GLI3: variants seen among roughly 807,000 people sequenced by gnomAD.
GLI3 encodes the protein transcription activator GLI3.
In GLI3, 20 loss-of-function variants were observed where a neutral mutation model predicts 100.8. The ratio of observed to expected loss-of-function variants is 0.20; its 90% CI spans 0.14 to 0.29. The LOEUF is 0.29. GLI3 is among the 10% of genes least tolerant of loss of function. The pLI is 1.00. For synonymous variants in GLI3, 938 were observed against 860.5 expected, an observed-to-expected ratio of 1.09 and a Z score of -1.58; for missense variants, 2,040 against 2,128.5, an observed-to-expected ratio of 0.96 and a Z score of 0.82.
chr7:42,157,687 GT>G (rs1787036996), intron 2 of GLI3, among the ~76,000 whole-genome samples: 1 of 152,168 alleles, frequency 6.6e-6, no homozygotes, highest in Non-Finnish European at 1.5e-5. Context: ...ATCATTTAGA[GT>G]ACAGAAAAAG....
At chr7:42,238,929 A>G (rs1008999834), upstream of GLI3, among the ~76,000 whole-genome samples, 1 of 152,208 alleles carries the variant, frequency 6.6e-6, no homozygotes, top group Non-Finnish European at 1.5e-5. Context: ...TGGGTGGATG[A>G]ATGATGAGCT....
At chr7:42,030,692 A>AT (rs1371283711) in intron 7 of GLI3, among the ~76,000 whole-genome samples, 2 of 128,142 alleles carry the variant, frequency 1.6e-5, no homozygotes, top group African/African-American at 3.8e-5. Flanking sequence ...ACTATTGTTG[A>AT]TTTGTTTTTT....
At position 42,013,292 on chromosome 7, in the gene GLI3, C is replaced by A. The variant is rs571287314; in HGVS notation, c.1497+10176G>T. ...TCTGTATTCGTCCAAAACAATCCTG[C>A]CCTGATTGGAAGAAAAGTGGCCACT... On this transcript the variant is annotated intron_variant, in intron 10 of 14. Transcript: ENST00000395925. Among the ~76,000 whole-genome samples, 48 of 152,232 alleles carry A rather than the reference C, an allele frequency of 3.2e-4. No homozygotes were observed. In the South Asian group the frequency reaches 9.3e-3, roughly 30 times the overall value.
chr7:42,198,929 C>T (rs981610943), intron 2 of GLI3, among the ~76,000 whole-genome samples: 1 of 146,096 alleles, frequency 6.8e-6, no homozygotes, highest in Non-Finnish European at 1.5e-5. Context: ...GAAAAAGTTT[C>T]TTTTTTTTTT....
intron 4 of GLI3, among the ~76,000 whole-genome samples, chr7:42,062,594 A>G (rs1287115598): frequency 8.9e-6 from 1 of 112,492 alleles, no homozygotes; most frequent in Non-Finnish European, 1.9e-5. Flanking sequence ...GTGAGTTCAC[A>G]GCTATTTTTA....
chr7:42,047,716 G>C (rs1186960879), intron 5 of GLI3, among the ~76,000 whole-genome samples: 1 of 152,190 alleles, frequency 6.6e-6, no homozygotes, highest in Admixed American at 6.5e-5. Context: ...ACAGGAATTC[G>C]ATCCTTAAGA....
At chr7:42,129,996 G>A (rs972709030) in intron 3 of GLI3, among the ~76,000 whole-genome samples, 6 of 152,098 alleles carry the variant, frequency 3.9e-5, no homozygotes, top group South Asian at 2.1e-4. Flanking sequence ...AGGCTTCAGC[G>A]TGGATTTTGA....
intron 1 of GLI3, among the ~76,000 whole-genome samples, chr7:42,230,278 G>A (rs1194916693): frequency 6.6e-6 from 1 of 152,144 alleles, no homozygotes; most frequent in African/African-American, 2.4e-5. Flanking sequence ...TTTGCCATTT[G>A]GTAGCTCAGG....
At chr7:42,209,765 T>A (rs1404573519) in intron 2 of GLI3, among the ~76,000 whole-genome samples, 2 of 151,578 alleles carry the variant, frequency 1.3e-5, no homozygotes, top group African/African-American at 4.8e-5. Flanking sequence ...TCACATCATG[T>A]TGTATATGAG....
intron 3 of GLI3, among the ~76,000 whole-genome samples, chr7:42,121,724 C>A (rs1477124889): frequency 1.3e-5 from 2 of 152,116 alleles, no homozygotes; most frequent in Non-Finnish European, 2.9e-5. Flanking sequence ...CATGTCCCCA[C>A]CTCCTCCCCC....
chr7:42,189,749 A>T (rs1787788271), intron 2 of GLI3, among the ~76,000 whole-genome samples: 1 of 152,200 alleles, frequency 6.6e-6, no homozygotes, highest in Non-Finnish European at 1.5e-5. Context: ...AGAGTGCTGG[A>T]GTAAATTAGC....
At chr7:42,078,169 C>T (rs758050155) in intron 3 of GLI3, among the ~76,000 whole-genome samples, 14 of 152,188 alleles carry the variant, frequency 9.2e-5, no homozygotes, top group Admixed American at 2.0e-4. Flanking sequence ...TCGGCAACAC[C>T]GCCATCCCAA....
chr7:41,995,149 G>A (rs1404267814), intron 10 of GLI3, among the ~76,000 whole-genome samples: 1 of 152,146 alleles, frequency 6.6e-6, no homozygotes, highest in African/African-American at 2.4e-5. Context: ...TATTTCATTT[G>A]TCAGGTAACA....
At chr7:42,219,800 G>C (rs138704907) in intron 2 of GLI3, among the ~76,000 whole-genome samples, 1 of 151,726 alleles carries the variant, frequency 6.6e-6, no homozygotes, top group Non-Finnish European at 1.5e-5. Context: ...ATGAAATGGT[G>C]GATAGGAGAG....
chr7:42,089,685 A>T (rs953601049), intron 3 of GLI3, among the ~76,000 whole-genome samples: 1 of 152,184 alleles, frequency 6.6e-6, no homozygotes, highest in African/African-American at 2.4e-5. Flanking sequence ...CCATTTAAAG[A>T]CGTATTTTCT....
chr7:42,034,535 G>A (rs964770132), intron 7 of GLI3, among the ~76,000 whole-genome samples: 4 of 152,032 alleles, frequency 2.6e-5, no homozygotes, highest in Admixed American at 1.3e-4. Context: ...TGCCTGTGTC[G>A]CCAACCTTGT....
intron 3 of GLI3, among the ~76,000 whole-genome samples, chr7:42,107,289 C>T (rs1785598904): frequency 6.6e-6 from 1 of 152,128 alleles, no homozygotes; most frequent in East Asian, 1.9e-4. Context: ...GAGATCACAC[C>T]GCTGCACTCC....
intron 2 of GLI3, among the ~76,000 whole-genome samples, chr7:42,161,918 C>T (rs1787138350): frequency 6.6e-6 from 1 of 152,276 alleles, no homozygotes; most frequent in South Asian, 2.1e-4. Flanking sequence ...GCTGAGTCAA[C>T]ACAAACAATA....
chr7:42,047,922 G>A (rs879691342), intron 5 of GLI3, among the ~76,000 whole-genome samples: 2 of 152,174 alleles, frequency 1.3e-5, no homozygotes, highest in Admixed American at 6.5e-5. Context: ...CTTTTGAGGA[G>A]CACAGAATCT....
Sources: gnomAD v4.1 joint callset for allele counts (sites outside exome capture counted in the v4.1 genomes callset) on GRCh38, gnomAD v4.1.1 for gene constraint, MANE v1.5 for transcripts, NCBI Gene and HGNC (gene_info 2026-07-23, HGNC 2026-07-21) for gene names.